BLNK: variants seen among roughly 807,000 people sequenced by gnomAD.
BLNK encodes B-cell linker protein.
BLNK carries 29 observed loss-of-function variants against 73.5 expected under a neutral mutation model. The ratio of observed to expected loss-of-function variants is 0.39; its 90% CI spans 0.29 to 0.54. The LOEUF is 0.54. BLNK is among the 20% of genes least tolerant of loss of function. The probability of loss-of-function intolerance (pLI) is 0.61; values close to 1 mark genes in which losing one functional copy is unlikely to be tolerated. For missense variants in BLNK, 460 were observed against 562.8 expected (o/e 0.82, Z 1.85); for synonymous variants, 176 against 200.8 (o/e 0.88, Z 1.04).
At chr10:96,195,786 A>G (rs2083450384) in intron 16 of BLNK, among the ~76,000 whole-genome samples, 1 of 152,218 alleles carries the variant, frequency 6.6e-6, no homozygotes, top group African/African-American at 2.4e-5. Flanking sequence ...TTAAGATGGT[A>G]AATTTTATAT....
intron 7 of BLNK, chr10:96,216,181 G>C (rs1004131389): frequency 5.2e-6 from 1 of 192,362 alleles, no homozygotes; most frequent in South Asian, 1.1e-4. Context: ...TTGTTGTTCT[G>C]TGAAGGGTTT....
chr10:96,243,786 A>T (rs1842950725), intron 2 of BLNK, among the ~76,000 whole-genome samples: 1 of 152,114 alleles, frequency 6.6e-6, no homozygotes, highest in South Asian at 2.1e-4. Context: ...AAGTTCTGAT[A>T]CCTCCCTTTC....
At chr10:96,251,593 C>T (rs1843287902) in intron 1 of BLNK, among the ~76,000 whole-genome samples, 1 of 152,068 alleles carries the variant, frequency 6.6e-6, no homozygotes, top group Non-Finnish European at 1.5e-5. Context: ...GAGCCATGCT[C>T]ATGTAACAAA....
intron 5 of BLNK, 151 bp downstream of exon 5, chr10:96,227,259 G>T: frequency 2.0e-6 from 2 of 1,020,688 alleles, no homozygotes; most frequent in Non-Finnish European, 2.8e-6. Flanking sequence ...TTACCTCGGA[G>T]CCCAGATCCC....
chr10:96,189,253 C>G lies in BLNK; in HGVS notation c.*2720G>C, dbSNP rs2083293040. On this transcript the variant is annotated 3_prime_UTR_variant, in exon 17 of 17. Coordinates refer to ENST00000224337, the MANE Select transcript of BLNK (RefSeq NM_013314.4). Reference sequence around the variant, plus strand: ...GAACCTGGACAACATTTATTAAACACAGTAGGGAAAGTTCTCACTCTGCAT... The same window carrying G: ...GAACCTGGACAACATTTATTAAACAGAGTAGGGAAAGTTCTCACTCTGCAT... 2.5e-6 allele frequency: 1 copy of G among 398,118 alleles called. No individual in the cohort carries two copies. The highest frequency in any genetic ancestry group is 2.1e-5 in the African/African-American group (1 of 48,266). The allele number at this position is 398,118 out of a possible 1,614,324, so 24.7% of individuals were successfully genotyped here. A position where few individuals can be genotyped will look rare whatever the true frequency, so the allele number is the denominator to read the frequency against.
chr10:96,228,888 T>C (rs1348024793), intron 4 of BLNK, among the ~76,000 whole-genome samples: 2 of 152,174 alleles, frequency 1.3e-5, no homozygotes, highest in Non-Finnish European at 2.9e-5. Flanking sequence ...GCCTGTCGCC[T>C]TTCATAAGCA....
intron 11 of BLNK, among the ~76,000 whole-genome samples, chr10:96,206,562 A>AAG (rs1420869844): frequency 5.3e-5 from 8 of 151,748 alleles, no homozygotes; most frequent in Non-Finnish European, 8.8e-5. Context: ...AAAAAAAAAA[A>AAG]AAAAAGGAAG....
At chr10:96,198,388 G>C (rs1216861926) in intron 15 of BLNK, among the ~76,000 whole-genome samples, 5 of 152,154 alleles carry the variant, frequency 3.3e-5, no homozygotes, top group African/African-American at 1.2e-4. Flanking sequence ...GGATATAAGA[G>C]AAAACTTAAA....
intron 12 of BLNK, 140 bp downstream of exon 12, chr10:96,204,392 T>C (rs782415631): frequency 2.3e-5 from 24 of 1,030,682 alleles, no homozygotes; most frequent in Non-Finnish European, 3.6e-5. Context: ...TCAACACCTT[T>C]TAACACGTAA....
At chr10:96,249,776 C>T (rs1253538000) in intron 1 of BLNK, among the ~76,000 whole-genome samples, 4 of 152,192 alleles carry the variant, frequency 2.6e-5, no homozygotes, top group Admixed American at 1.3e-4. Context: ...CCAGAGCCAT[C>T]GCTAGCTATT....
chr10:96,253,032 C>T (rs1291340411), intron 1 of BLNK, among the ~76,000 whole-genome samples: 1 of 152,112 alleles, frequency 6.6e-6, no homozygotes, highest in Non-Finnish European at 1.5e-5. Context: ...CCCGGGGCCT[C>T]CTGGTTGTTG....
At chr10:96,270,013 A>G (rs1554915217) in intron 1 of BLNK, among the ~76,000 whole-genome samples, 1 of 152,146 alleles carries the variant, frequency 6.6e-6, no homozygotes, top group Non-Finnish European at 1.5e-5. Context: ...GTCTCTTCTT[A>G]CATTCCTTCT....
Position 96,190,944 on chromosome 10 carries a change from T to C in BLNK, c.*1029A>G, listed in dbSNP as rs2083318303. Among the ~76,000 whole-genome samples, 1 of 152,244 alleles carries C rather than the reference T, an allele frequency of 6.6e-6. No homozygotes were observed. The highest frequency in any genetic ancestry group is 2.4e-5 in the African/African-American group (1 of 41,464). On this transcript the variant is annotated 3_prime_UTR_variant, in exon 17 of 17. Coordinates refer to ENST00000224337, the MANE Select transcript of BLNK (RefSeq NM_013314.4). ...GCTGTCATTCCACTTTGAAACTTGA[T>C]ATGGTTTGGCTGTGTCCTCACCCAA...
chr10:96,266,583 C>T (rs1564856436), intron 1 of BLNK, among the ~76,000 whole-genome samples: 2 of 152,232 alleles, frequency 1.3e-5, no homozygotes, highest in African/African-American at 4.8e-5. Context: ...GAACCCTTCT[C>T]AGCTGCTCTG....
chr10:96,240,065 T>A (rs1258626429), intron 3 of BLNK, among the ~76,000 whole-genome samples: 1 of 152,172 alleles, frequency 6.6e-6, no homozygotes, highest in African/African-American at 2.4e-5. Context: ...CCACCTAAGC[T>A]CTTCTCCTAC....
Position 96,191,192 on chromosome 10 carries a change from T to C in BLNK, c.*781A>G, listed in dbSNP as rs2083322784. Reference sequence around the variant, plus strand: ...TCTTCTTTGCCTTCTGCCATGATTGTGAGGCCTCCCCAACCATGTGGAACT... The same window carrying C: ...TCTTCTTTGCCTTCTGCCATGATTGCGAGGCCTCCCCAACCATGTGGAACT... On this transcript the variant is annotated 3_prime_UTR_variant, in exon 17 of 17. Transcript: ENST00000224337. Among the ~76,000 whole-genome samples the C allele has an allele frequency of 6.6e-6, 1 of 151,714 alleles. No homozygotes were observed.
At chr10:96,221,463 T>C (rs2084195442) in intron 6 of BLNK, among the ~76,000 whole-genome samples, 1 of 152,236 alleles carries the variant, frequency 6.6e-6, no homozygotes. Flanking sequence ...TGTTTGTTTA[T>C]TTGTTTTTAC....
chr10:96,248,404 A>G (rs553305289), intron 1 of BLNK, among the ~76,000 whole-genome samples: 2 of 152,386 alleles, frequency 1.3e-5, no homozygotes, highest in African/African-American at 2.4e-5. Context: ...GATATTGAAC[A>G]TCACTTATAT....
At chr10:96,212,312 C>T (rs1346499229) in intron 8 of BLNK, among the ~76,000 whole-genome samples, 2 of 151,992 alleles carry the variant, frequency 1.3e-5, no homozygotes, top group Non-Finnish European at 2.9e-5. Context: ...GGTCATGGAT[C>T]AAGGCAGGTT....
Sources: allele counts gnomAD v4.1 joint callset (sites outside exome capture counted in the v4.1 genomes callset), GRCh38; gene constraint gnomAD v4.1.1; transcripts MANE v1.5; gene names NCBI Gene and HGNC (gene_info 2026-07-23, HGNC 2026-07-21).